Variants in PPP1CB observed in about 807,000 individuals in gnomAD.
PPP1CB encodes the protein serine/threonine-protein phosphatase PP1-beta catalytic subunit.
A neutral mutation model predicts 43.7 loss-of-function variants in PPP1CB; 2 were observed. That is an observed-to-expected ratio of 0.05 (90% CI 0.02 to 0.14). The LOEUF (loss-of-function observed/expected upper bound fraction) is 0.14. Among genes scored for constraint, PPP1CB ranks in the 10% least tolerant of loss-of-function variants. The pLI is 1.00. For synonymous variants in PPP1CB, 136 were observed against 135.6 expected (o/e 1.00, Z -0.02); for missense variants, 84 against 398.0 (o/e 0.21, Z 6.71).
At position 28,788,826 on chromosome 2, in the gene PPP1CB, T is replaced by G; in HGVS notation, c.744+17T>G. 1 of 1,567,878 alleles carries G rather than the reference T, an allele frequency of 6.4e-7. No individual in the cohort carries two copies. Among genetic ancestry groups the G allele is most frequent in the Non-Finnish European group, 8.6e-7 (1 of 1,164,544 alleles). On this transcript the variant is annotated intron_variant, in intron 6 of 7. Coordinates refer to ENST00000395366, the MANE Select transcript of PPP1CB (RefSeq NM_002709.3). ...GCTCATCAGGTATGAAATATAAAAC[T>G]CTTAAGCTTTTTCTTTTTTCTTTCT...
intron 6 of PPP1CB, among the ~76,000 whole-genome samples, chr2:28,791,268 T>C (rs188850445): frequency 2.5e-4 from 38 of 152,274 alleles, no homozygotes; most frequent in African/African-American, 9.1e-4. Context: ...TTCTTGGTGG[T>C]TCCATTGAAA....
At chr2:28,752,216 C>G in intron 1 of PPP1CB, 40 bp downstream of exon 1, 1 of 1,504,224 alleles carries the variant, frequency 6.6e-7, no homozygotes, top group Non-Finnish European at 8.9e-7. Context: ...GGAGGTCGGG[C>G]ACCGCCGCCG....
intron 1 of PPP1CB, among the ~76,000 whole-genome samples, chr2:28,769,272 G>T (rs1159482162): frequency 1.3e-5 from 2 of 152,140 alleles, no homozygotes; most frequent in Non-Finnish European, 2.9e-5. Context: ...TTTTGCTCGT[G>T]TGGCCGAGGC....
chr2:28,770,113 A>T (rs1340529309), intron 1 of PPP1CB, among the ~76,000 whole-genome samples: 2 of 152,066 alleles, frequency 1.3e-5, no homozygotes, highest in African/African-American at 4.8e-5. Flanking sequence ...TACTAAAAAT[A>T]CAAAAATTGG....
chr2:28,770,316 A>G (rs140638329), intron 1 of PPP1CB, among the ~76,000 whole-genome samples: 97 of 140,284 alleles, frequency 6.9e-4, no homozygotes, highest in Non-Finnish European at 1.2e-3. Context: ...AGACCTAACT[A>G]TTATAGATAC....
intron 1 of PPP1CB, among the ~76,000 whole-genome samples, chr2:28,765,508 G>A (rs533084517): frequency 9.9e-5 from 15 of 152,164 alleles, no homozygotes; most frequent in Admixed American, 4.6e-4. Context: ...TTTTTTTTGC[G>A]CTTGAGTCAA....
Position 28,752,078 on chromosome 2 carries a change from A to G in PPP1CB, c.-47A>G, listed in dbSNP as rs2148449252. On this transcript the variant is annotated 5_prime_UTR_variant, in exon 1 of 8. Coordinates refer to ENST00000395366, the MANE Select transcript of PPP1CB (RefSeq NM_002709.3). ...GCCGTCGCCGCAGCCTCCGCCGCCGAGAAGCCCTTGTTCCCGCTGCTGGGA... is the reference window on the plus strand; with the variant it reads ...GCCGTCGCCGCAGCCTCCGCCGCCGGGAAGCCCTTGTTCCCGCTGCTGGGA... 2 of 1,542,924 alleles carry G rather than the reference A, an allele frequency of 1.3e-6. No homozygotes were observed. Among genetic ancestry groups the G allele is most frequent in the East Asian group, 4.9e-5 (2 of 40,632 alleles).
chr2:28,783,773 G>T (rs1457097682), intron 4 of PPP1CB, 134 bp from the exon 5 acceptor site: 13 of 577,778 alleles, frequency 2.3e-5, no homozygotes, highest in Admixed American at 1.8e-4. Context: ...AAAAAAAGAC[G>T]TTAAAAGGAA....
rs886472125 is a variant in PPP1CB, at chr2:28,752,023, C to T, written c.-102C>T. ...GGGAGTTGGAGCCGGGGTCGAAACG[C>T]CGCGTGACTTGTAGGTGAGAGAACG... is the stretch of plus-strand genomic sequence containing the variant. On this transcript the variant is annotated 5_prime_UTR_variant, in exon 1 of 8. Transcript: ENST00000395366. 5 of 1,168,634 alleles carry T rather than the reference C, an allele frequency of 4.3e-6. No homozygotes were observed. Among genetic ancestry groups the T allele is most frequent in the South Asian group, 3.9e-5 (3 of 76,338 alleles). 72.4% of individuals were successfully genotyped at this position (1,168,634 alleles called of 1,614,324 possible).
chr2:28,788,950 C>A (rs1013224425), intron 6 of PPP1CB, 141 bp downstream of exon 6: 2 of 827,716 alleles, frequency 2.4e-6, no homozygotes. Flanking sequence ...CTGTGCCTCC[C>A]GGGTTCAGGC....
chr2:28,763,872 A>C (rs1243773651), intron 1 of PPP1CB, among the ~76,000 whole-genome samples: 1 of 151,454 alleles, frequency 6.6e-6, no homozygotes, highest in Non-Finnish European at 1.5e-5. Flanking sequence ...CACCTGGCTT[A>C]TTTTCGTATT....
In PPP1CB at chr2:28,752,075, C is replaced by A. The variant is rs879915789; in HGVS notation, c.-50C>A. 8 of 1,539,450 alleles carry A rather than the reference C, an allele frequency of 5.2e-6. No homozygotes were observed. The East Asian group carries it at 1.7e-4, about 33-fold the overall frequency. ...CGAGCCGTCGCCGCAGCCTCCGCCGCCGAGAAGCCCTTGTTCCCGCTGCTG... is the reference window on the plus strand; with the variant it reads ...CGAGCCGTCGCCGCAGCCTCCGCCGACGAGAAGCCCTTGTTCCCGCTGCTG... On this transcript the variant is annotated 5_prime_UTR_variant, in exon 1 of 8. Transcript: ENST00000395366.
chr2:28,760,326 A>T (rs1666612259), intron 1 of PPP1CB, among the ~76,000 whole-genome samples: 2 of 152,210 alleles, frequency 1.3e-5, no homozygotes, highest in Non-Finnish European at 2.9e-5. Context: ...AAGTAAGCAA[A>T]GGTTAATTTA....
At chr2:28,756,103 GTAT>G (rs1666483750) in intron 1 of PPP1CB, among the ~76,000 whole-genome samples, 1 of 152,146 alleles carries the variant, frequency 6.6e-6, no homozygotes, top group Admixed American at 6.5e-5. Flanking sequence ...TTTTCATGTA[GTAT>G]TACATCATGA....
chr2:28,769,888 GA>G (rs960997151), intron 1 of PPP1CB, among the ~76,000 whole-genome samples: 4 of 152,088 alleles, frequency 2.6e-5, no homozygotes, highest in African/African-American at 9.7e-5. Flanking sequence ...AAAGAGAGAG[GA>G]ATGAAGAACA....
chr2:28,781,254 C>CAA (rs1358604417), intron 3 of PPP1CB, among the ~76,000 whole-genome samples: 4 of 151,946 alleles, frequency 2.6e-5, no homozygotes, highest in Non-Finnish European at 5.9e-5. Context: ...TTATGATGTA[C>CAA]AACATGATGT....
intron 1 of PPP1CB, among the ~76,000 whole-genome samples, chr2:28,775,268 C>T (rs1057062626): frequency 1.3e-5 from 2 of 152,058 alleles, no homozygotes; most frequent in African/African-American, 2.4e-5. Flanking sequence ...CCATCATGCC[C>T]AGCTAATTTT....
At chr2:28,755,164 C>T (rs1246569418) in intron 1 of PPP1CB, among the ~76,000 whole-genome samples, 2 of 152,130 alleles carry the variant, frequency 1.3e-5, no homozygotes, top group African/African-American at 2.4e-5. Context: ...ATTATTCTGC[C>T]TCAGCTTCCC....
At chr2:28,757,905 T>TC (rs1288531572) in intron 1 of PPP1CB, among the ~76,000 whole-genome samples, 2 of 151,868 alleles carry the variant, frequency 1.3e-5, no homozygotes, top group Non-Finnish European at 2.9e-5. Flanking sequence ...AAATTGAGTC[T>TC]AGAGACAAAG....
Sources: gnomAD v4.1 joint callset for allele counts (sites outside exome capture counted in the v4.1 genomes callset) on GRCh38, gnomAD v4.1.1 for gene constraint, MANE v1.5 for transcripts, NCBI Gene and HGNC (gene_info 2026-07-23, HGNC 2026-07-21) for gene names.